NUDT5: variants seen among roughly 807,000 people sequenced by gnomAD.
NUDT5 encodes the protein nudix hydrolase 5, also known as ADP-sugar pyrophosphatase.
In NUDT5, 21 loss-of-function variants were observed where a neutral mutation model predicts 34.1. The ratio of observed to expected loss-of-function variants is 0.62; its 90% CI spans 0.44 to 0.89. The LOEUF is 0.89. Among genes scored for constraint, NUDT5 ranks in the 40% least tolerant of loss-of-function variants. NUDT5 has a pLI of 0.00. For missense variants in NUDT5, 249 were observed against 274.8 expected, an observed-to-expected ratio of 0.91 and a Z score of 0.66; for synonymous variants, 85 against 97.6, an observed-to-expected ratio of 0.87 and a Z score of 0.76.
chr10:12,170,059 G>T lies in NUDT5; in HGVS notation c.550+658C>A. 5 of 1,573,514 alleles carry T rather than the reference G, an allele frequency of 3.2e-6. No homozygotes were observed. The highest frequency in any genetic ancestry group is 4.4e-6 in the Non-Finnish European group (5 of 1,144,510). On this transcript the variant is annotated intron_variant, in intron 9 of 9. Transcript: ENST00000491614. This position sits in a 1 kb window ranked among gnomAD's most constrained non-coding sequence, Gnocchi z 4.9. ...GTATGTCTCCATACAGTATCTCCTCGTCTCCACACAGTATCTCCTCATGTC... is the reference window on the plus strand; with the variant it reads ...GTATGTCTCCATACAGTATCTCCTCTTCTCCACACAGTATCTCCTCATGTC...
At chr10:12,192,942 G>T (rs1835258486) in intron 1 of NUDT5, among the ~76,000 whole-genome samples, 1 of 127,498 alleles carries the variant, frequency 7.8e-6, no homozygotes, top group Non-Finnish European at 1.7e-5. Flanking sequence ...ATTCACTTAT[G>T]GGTTTTTTTT....
intron 3 of NUDT5, among the ~76,000 whole-genome samples, chr10:12,183,302 G>C (rs1353597051): frequency 1.3e-5 from 2 of 152,200 alleles, no homozygotes; most frequent in Non-Finnish European, 2.9e-5. Context: ...AAGAGTTACA[G>C]TCTTTCATGG....
In NUDT5 at chr10:12,169,760, C is replaced by A; in HGVS notation, c.550+957G>T. On this transcript the variant is annotated intron_variant, in intron 9 of 9. Transcript: ENST00000491614. This position sits in a 1 kb window ranked among gnomAD's most constrained non-coding sequence, Gnocchi z 4.8. ...TTCAGATTTTCAAACAAACAACAGACAATTCAAAACCAGGCGCTCTGCTTA... is the reference window on the plus strand; with the variant it reads ...TTCAGATTTTCAAACAAACAACAGAAAATTCAAAACCAGGCGCTCTGCTTA... 4.2e-6 allele frequency: 1 copy of A among 239,972 alleles called. No homozygotes were observed. The highest frequency in any genetic ancestry group is 7.9e-6 in the Non-Finnish European group (1 of 126,022). The allele number at this position is 239,972 out of a possible 1,614,324, so 14.9% of individuals were successfully genotyped here.
intron 3 of NUDT5, among the ~76,000 whole-genome samples, chr10:12,184,145 G>A (rs997548993): frequency 7.2e-5 from 11 of 152,160 alleles, no homozygotes; most frequent in South Asian, 2.1e-4. Flanking sequence ...TCCGCCTCCC[G>A]GGTTCAAGCA....
chr10:12,184,536 A>G, intron 3 of NUDT5: 1 of 1,535,880 alleles, frequency 6.5e-7, no homozygotes, highest in Non-Finnish European at 8.8e-7. Context: ...ATTTCTTCTA[A>G]TTTAGAAATT....
chr10:12,179,287 G>A (rs965248552), intron 3 of NUDT5, among the ~76,000 whole-genome samples, 155 bp from the exon 4 acceptor site: 9 of 152,226 alleles, frequency 5.9e-5, no homozygotes, highest in African/African-American at 9.6e-5. Flanking sequence ...CTGCATTAAA[G>A]AAGCTAATTC....
intron 1 of NUDT5, among the ~76,000 whole-genome samples, chr10:12,192,709 G>A (rs1229781584): frequency 6.6e-6 from 1 of 152,076 alleles, no homozygotes; most frequent in Non-Finnish European, 1.5e-5. Flanking sequence ...AAATTAGCTG[G>A]GTGAGGTGGC....
In NUDT5 at chr10:12,173,992, G is replaced by A. The variant is rs1328206278; in HGVS notation, c.290-179C>T. On this transcript the variant is annotated intron_variant, in intron 5 of 9. Coordinates refer to ENST00000491614, the MANE Select transcript of NUDT5 (RefSeq NM_014142.4). This position sits in a 1 kb window ranked among gnomAD's most constrained non-coding sequence, Gnocchi z 4.7. Reference sequence around the variant, plus strand: ...AAGCAATTCTCTGCTTCAGCCTCCAGAGTAGCTGGGATTACAGGCGCGTGC... The same window carrying A: ...AAGCAATTCTCTGCTTCAGCCTCCAAAGTAGCTGGGATTACAGGCGCGTGC... Among the ~76,000 whole-genome samples the A allele has an allele frequency of 6.6e-6, 1 of 151,952 alleles. No individual in the cohort carries two copies. Among genetic ancestry groups the A allele is most frequent in the African/African-American group, 2.4e-5 (1 of 41,352 alleles).
intron 1 of NUDT5, among the ~76,000 whole-genome samples, chr10:12,194,314 A>C (rs1477538024): frequency 6.6e-6 from 1 of 152,224 alleles, no homozygotes; most frequent in East Asian, 1.9e-4. Context: ...ATCGATGCTA[A>C]CATCTCCTTC....
Position 12,168,041 on chromosome 10 carries a change from T to G in NUDT5, c.551-230A>C. The G allele has an allele frequency of 1.4e-6, 1 of 739,966 alleles. No individual in the cohort carries two copies. Among genetic ancestry groups the G allele is most frequent in the Non-Finnish European group, 1.9e-6 (1 of 523,618 alleles). The allele number at this position is 739,966 out of a possible 1,614,324, so 45.8% of individuals were successfully genotyped here. On this transcript the variant is annotated intron_variant, in intron 9 of 9. Coordinates refer to ENST00000491614, the MANE Select transcript of NUDT5 (RefSeq NM_014142.4). This position sits in a 1 kb window ranked among gnomAD's most constrained non-coding sequence, Gnocchi z 4.8. ...CAGGGATAATGATTTTTTTTTTTTT[T>G]GGTGAGACAGTCTCGCTCTGTTGCC... is the stretch of plus-strand genomic sequence containing the variant.
At chr10:12,177,973 G>C in intron 4 of NUDT5, 73 bp from the exon 5 acceptor site, 2 of 1,107,172 alleles carry the variant, frequency 1.8e-6, no homozygotes, top group South Asian at 2.6e-5. Context: ...TTTAGAGCAA[G>C]CTAATGAAAA....
Position 12,170,540 on chromosome 10 carries a change from CTG to C in NUDT5, c.550+175_550+176del, listed in dbSNP as rs776588877. 2.9e-6 allele frequency: 2 copies of C among 684,606 alleles called. No homozygotes were observed. Among genetic ancestry groups the C allele is most frequent in the Non-Finnish European group, 5.1e-6 (2 of 395,650 alleles). The allele number at this position is 684,606 out of a possible 1,614,324, so 42.4% of individuals were successfully genotyped here. The stretch of plus-strand genomic sequence containing the variant: ...AATGCTTTGCTCTTATTTTCAAACT[CTG>C]TGCCACCCAGAAAGGAAAATTAGTA... On this transcript the variant is annotated intron_variant, in intron 9 of 9. Coordinates refer to ENST00000491614, the MANE Select transcript of NUDT5 (RefSeq NM_014142.4). The surrounding 1 kb of genome is among the most constrained non-coding windows in gnomAD (Gnocchi z 4.9).
rs576416744 is a variant in NUDT5, at chr10:12,169,519, G to A, written c.550+1198C>T. ...AGTCGGGCCTGTGACTCCGAGCTGCGCTGCCTCGTATTGATTGTCATGCCT... is the reference window on the plus strand; with the variant it reads ...AGTCGGGCCTGTGACTCCGAGCTGCACTGCCTCGTATTGATTGTCATGCCT... On this transcript the variant is annotated intron_variant, in intron 9 of 9. Coordinates refer to ENST00000491614, the MANE Select transcript of NUDT5 (RefSeq NM_014142.4). This position sits in a 1 kb window ranked among gnomAD's most constrained non-coding sequence, Gnocchi z 4.8. 5.8e-6 allele frequency: 3 copies of A among 518,240 alleles called. No individual in the cohort carries two copies. The highest frequency in any genetic ancestry group is 5.5e-5 in the South Asian group (2 of 36,198). 32.1% of individuals were successfully genotyped at this position (518,240 alleles called of 1,614,324 possible). A position where few individuals can be genotyped will look rare whatever the true frequency, so the allele number is the denominator to read the frequency against.
intron 3 of NUDT5, among the ~76,000 whole-genome samples, chr10:12,179,819 C>T (rs927448834): frequency 6.6e-6 from 1 of 152,182 alleles, no homozygotes; most frequent in South Asian, 2.1e-4. Context: ...ATTCTACTTT[C>T]TGGCCTTGGA....
chr10:12,172,618 AAG>A, intron 7 of NUDT5, 145 bp downstream of exon 7: 1 of 619,302 alleles, frequency 1.6e-6, no homozygotes, highest in Non-Finnish European at 2.9e-6. Context: ...CATGATTAGG[AAG>A]AGAGACAAGA....
chr10:12,192,197 G>A (rs1395029250), intron 1 of NUDT5, among the ~76,000 whole-genome samples: 1 of 152,022 alleles, frequency 6.6e-6, no homozygotes, highest in East Asian at 1.9e-4. Context: ...GAAATTAAGT[G>A]GGGAGCTGAG....
At chr10:12,167,999 G>C in intron 9 of NUDT5, 188 bp from the exon 10 acceptor site, 1 of 1,104,526 alleles carries the variant, frequency 9.1e-7, no homozygotes, top group Non-Finnish European at 1.2e-6. Context: ...TACATTCCTA[G>C]CATGAGACAA....
At chr10:12,172,054 G>A (rs1254323273) in intron 7 of NUDT5, among the ~76,000 whole-genome samples, 1 of 151,976 alleles carries the variant, frequency 6.6e-6, no homozygotes, top group Non-Finnish European at 1.5e-5. Flanking sequence ...AGTTGCAGTG[G>A]GATACTGAAA....
At chr10:12,191,489 A>G (rs1175094641) in intron 1 of NUDT5, among the ~76,000 whole-genome samples, 1 of 152,204 alleles carries the variant, frequency 6.6e-6, no homozygotes, top group Non-Finnish European at 1.5e-5. Flanking sequence ...CACATTTCTA[A>G]GGCCATACAC....
Sources: gnomAD v4.1 joint callset for allele counts (sites outside exome capture counted in the v4.1 genomes callset) on GRCh38, gnomAD v4.1.1 for gene constraint, Gnocchi (gnomAD v3.1) non-coding constraint, MANE v1.5 for transcripts, NCBI Gene and HGNC (gene_info 2026-07-23, HGNC 2026-07-21) for gene names.